The following RFX3 variants were observed in gnomAD, a reference collection of about 807,000 sequenced individuals.
RFX3 encodes the protein regulatory factor X3.
Under a neutral mutation model 98.6 loss-of-function variants are expected in RFX3, and 14 were observed. That is an observed-to-expected ratio of 0.14 (90% confidence interval 0.09 to 0.22). The LOEUF (loss-of-function observed/expected upper bound fraction) is 0.22. RFX3 is among the 10% of genes least tolerant of loss of function. RFX3 has a pLI of 1.00. For missense variants in RFX3, 639 were observed against 926.9 expected (o/e 0.69, Z 4.03); for synonymous variants, 383 against 328.4 (o/e 1.17, Z -1.80).
intron 2 of RFX3, 105 bp downstream of exon 2, chr9:3,395,367 A>C: frequency 7.6e-7 from 1 of 1,315,834 alleles, no homozygotes; most frequent in Non-Finnish European, 1.1e-6. Flanking sequence ...AAGTATGCCT[A>C]TCATAGCAAG....
chr9:3,322,369 T>C (rs1387170084), intron 4 of RFX3, among the ~76,000 whole-genome samples: 2 of 152,214 alleles, frequency 1.3e-5, no homozygotes, highest in African/African-American at 4.8e-5. Context: ...TTTTTGTTTT[T>C]ATTATAAATG....
At chr9:3,460,144 T>C (rs1240252414) in intron 1 of RFX3, among the ~76,000 whole-genome samples, 1 of 152,052 alleles carries the variant, frequency 6.6e-6, no homozygotes, top group Admixed American at 6.6e-5. Flanking sequence ...AGCTTAGATA[T>C]GAATACACAA....
chr9:3,498,791 T>A (rs1851291379), intron 1 of RFX3, among the ~76,000 whole-genome samples: 1 of 152,106 alleles, frequency 6.6e-6, no homozygotes, highest in Non-Finnish European at 1.5e-5. Flanking sequence ...TTGTACCTCT[T>A]GCTTTATTAT....
intron 7 of RFX3, among the ~76,000 whole-genome samples, chr9:3,284,206 A>G (rs1483725534): frequency 1.3e-5 from 2 of 151,748 alleles, no homozygotes; most frequent in Admixed American, 6.6e-5. Context: ...GGCTTTTACT[A>G]CTGGAATTTG....
At chr9:3,228,790 G>C in intron 16 of RFX3, 57 bp downstream of exon 16, 2 of 1,430,126 alleles carry the variant, frequency 1.4e-6, no homozygotes, top group Non-Finnish European at 1.9e-6. Flanking sequence ...ATTTTCCTCT[G>C]TAAGAACTTA....
chr9:3,499,494 TTAA>T (rs1815745160), intron 1 of RFX3, among the ~76,000 whole-genome samples: 1 of 152,038 alleles, frequency 6.6e-6, no homozygotes, highest in Non-Finnish European at 1.5e-5. Flanking sequence ...AGATTAACAC[TTAA>T]TAAATTATTC....
At chr9:3,284,624 T>C (rs1343071837) in intron 7 of RFX3, among the ~76,000 whole-genome samples, 1 of 151,686 alleles carries the variant, frequency 6.6e-6, no homozygotes, top group Non-Finnish European at 1.5e-5. Flanking sequence ...ATTTGAAATA[T>C]TTACTGGAGT....
At chr9:3,462,918 C>G (rs1198814004) in intron 1 of RFX3, among the ~76,000 whole-genome samples, 1 of 151,950 alleles carries the variant, frequency 6.6e-6, no homozygotes, top group African/African-American at 2.4e-5. Context: ...AAATTAAAGA[C>G]TTAAGTAAAG....
chr9:3,504,852 T>C (rs1205920216), intron 1 of RFX3, among the ~76,000 whole-genome samples: 2 of 30,522 alleles, frequency 6.6e-5, no homozygotes, highest in Non-Finnish European at 1.4e-4. Context: ...ATATATATTA[T>C]ATATGATATA....
chr9:3,392,578 A>C (rs1290335506), intron 2 of RFX3, among the ~76,000 whole-genome samples: 2 of 152,122 alleles, frequency 1.3e-5, no homozygotes, highest in Non-Finnish European at 2.9e-5. Context: ...AAACTGAATA[A>C]AGTTTCCCAG....
chr9:3,518,500 T>C (rs1365858942), intron 1 of RFX3, among the ~76,000 whole-genome samples: 1 of 151,964 alleles, frequency 6.6e-6, no homozygotes, highest in Admixed American at 6.6e-5. Context: ...ATACAATGCT[T>C]TGGCAAAAAA....
chr9:3,411,873 C>A (rs958468634), intron 1 of RFX3, among the ~76,000 whole-genome samples: 4 of 152,076 alleles, frequency 2.6e-5, no homozygotes, highest in African/African-American at 9.7e-5. Context: ...TACACAACAG[C>A]CCCTCCAAAA....
intron 2 of RFX3, among the ~76,000 whole-genome samples, chr9:3,350,651 G>A (rs932681427): frequency 2.6e-5 from 4 of 152,194 alleles, no homozygotes; most frequent in African/African-American, 4.8e-5. Flanking sequence ...CTAGAACTTG[G>A]TAACAACCAA....
intron 3 of RFX3, among the ~76,000 whole-genome samples, chr9:3,333,890 C>G (rs1245382351): frequency 6.6e-6 from 1 of 152,070 alleles, no homozygotes; most frequent in Non-Finnish European, 1.5e-5. Flanking sequence ...ATGCAGCAGA[C>G]ACTATTCTAT....
intron 3 of RFX3, among the ~76,000 whole-genome samples, chr9:3,333,861 T>C (rs1396746226): frequency 6.6e-6 from 1 of 152,208 alleles, no homozygotes; most frequent in Non-Finnish European, 1.5e-5. Flanking sequence ...ATATAGCTAA[T>C]ATTTACTGAC....
intron 1 of RFX3, among the ~76,000 whole-genome samples, chr9:3,413,321 A>C (rs948139914): frequency 6.6e-6 from 1 of 152,094 alleles, no homozygotes; most frequent in African/African-American, 2.4e-5. Flanking sequence ...AAATACTATA[A>C]GACTTAATAA....
chr9:3,256,748 C>T (rs1301874169), intron 14 of RFX3, among the ~76,000 whole-genome samples: 1 of 152,146 alleles, frequency 6.6e-6, no homozygotes, highest in Non-Finnish European at 1.5e-5. Flanking sequence ...CATCTGAGGA[C>T]ATGTAGGGCT....
chr9:3,273,211 T>A (rs1438592563), intron 9 of RFX3, among the ~76,000 whole-genome samples: 2 of 152,116 alleles, frequency 1.3e-5, no homozygotes, highest in African/African-American at 4.8e-5. Context: ...ATTTCAAAAG[T>A]TTTTCATATT....
chr9:3,350,450 CTCAT>C (rs1168866474), intron 2 of RFX3, among the ~76,000 whole-genome samples: 1 of 152,102 alleles, frequency 6.6e-6, no homozygotes, highest in Non-Finnish European at 1.5e-5. Context: ...TATAGAAACT[CTCAT>C]TCATTGTTGG....
Sources: gnomAD v4.1 joint callset for allele counts (sites outside exome capture counted in the v4.1 genomes callset) on GRCh38, gnomAD v4.1.1 for gene constraint, MANE v1.5 for transcripts, NCBI Gene and HGNC (gene_info 2026-07-23, HGNC 2026-07-21) for gene names.